Variants in UGCG observed in about 807,000 individuals in gnomAD.
The protein encoded by UGCG is ceramide glucosyltransferase.
A neutral mutation model predicts 49.5 loss-of-function variants in UGCG; 10 were observed. The observed-to-expected ratio is 0.20, with a 90% CI of 0.12 to 0.34. The LOEUF is 0.34. Ranked by LOEUF, UGCG falls within the 10% of genes least tolerant of loss-of-function variation. The pLI is 1.00. For missense variants in UGCG, 312 were observed against 483.7 expected (o/e 0.65, Z 3.33); for synonymous variants, 182 against 158.2 (o/e 1.15, Z -1.13).
rs180692433 is a variant in UGCG at position 111,932,448 on chromosome 9, G to C, written c.1014+89G>C. Reference sequence around the variant, plus strand: ...AAAAAGTTGAAGGAAATGTATCTGAGCCATTCTTCAGCTTCCCATTGTAGG... The same window carrying C: ...AAAAAGTTGAAGGAAATGTATCTGACCCATTCTTCAGCTTCCCATTGTAGG... On this transcript the variant is annotated intron_variant, in intron 8 of 8. Coordinates refer to ENST00000374279, the MANE Select transcript of UGCG (RefSeq NM_003358.3). 22 of 1,319,286 alleles carry C rather than the reference G, an allele frequency of 1.7e-5. No homozygotes were observed. The East Asian group carries it at 5.3e-4, about 32-fold the overall frequency. The allele number at this position is 1,319,286 out of a possible 1,614,324, so 81.7% of individuals were successfully genotyped here.
intron 5 of UGCG, among the ~76,000 whole-genome samples, chr9:111,928,704 CTG>C (rs1339244876): frequency 6.6e-6 from 1 of 152,156 alleles, no homozygotes; most frequent in African/African-American, 2.4e-5. Context: ...TTGCTCTGCA[CTG>C]TGTGTGTAAC....
chr9:111,914,513 TAG>T, intron 1 of UGCG, 90 bp from the exon 2 acceptor site: 3 of 1,296,488 alleles, frequency 2.3e-6, no homozygotes, highest in Non-Finnish European at 2.1e-6. Flanking sequence ...AATCTTAACT[TAG>T]AATTTAGGGA....
intron 2 of UGCG, among the ~76,000 whole-genome samples, chr9:111,917,849 A>G (rs999143652): frequency 6.6e-6 from 1 of 152,190 alleles, no homozygotes; most frequent in African/African-American, 2.4e-5. Context: ...CTCATTTGTC[A>G]CCAGCGTAGA....
intron 1 of UGCG, among the ~76,000 whole-genome samples, chr9:111,912,052 A>C (rs1027149466): frequency 7.0e-6 from 1 of 142,854 alleles, no homozygotes; most frequent in Non-Finnish European, 1.5e-5. Flanking sequence ...ATATATATAT[A>C]TCCTGTTGAA....
intron 1 of UGCG, among the ~76,000 whole-genome samples, chr9:111,910,750 T>C (rs1210252327): frequency 6.6e-6 from 1 of 152,140 alleles, no homozygotes; most frequent in African/African-American, 2.4e-5. Flanking sequence ...TCTTTTTTGT[T>C]TTTGTTTTTG....
chr9:111,898,311 A>G (rs970178089), intron 1 of UGCG, among the ~76,000 whole-genome samples: 14 of 152,096 alleles, frequency 9.2e-5, no homozygotes, highest in African/African-American at 3.1e-4. Context: ...GAGCAATTGT[A>G]TATAGTAATC....
chr9:111,925,468 G>A (rs1838299332), intron 4 of UGCG, among the ~76,000 whole-genome samples: 1 of 152,272 alleles, frequency 6.6e-6, no homozygotes, highest in Non-Finnish European at 1.5e-5. Flanking sequence ...TTTGTTGTGG[G>A]AGCTGTCTTG....
At chr9:111,909,294 A>G (rs1275196540) in intron 1 of UGCG, among the ~76,000 whole-genome samples, 1 of 152,192 alleles carries the variant, frequency 6.6e-6, no homozygotes, top group Admixed American at 6.5e-5. Flanking sequence ...ATGTTTTTGA[A>G]AAAAAATCAC....
chr9:111,927,600 C>T (rs920828800), intron 5 of UGCG, among the ~76,000 whole-genome samples: 16 of 152,042 alleles, frequency 1.1e-4, no homozygotes, highest in African/African-American at 2.9e-4. Flanking sequence ...TACAGGTGCC[C>T]GCCACCATGC....
At position 111,898,444 on chromosome 9, in the gene UGCG, AAACACT is replaced by A. The variant is rs1324297463; in HGVS notation, c.98+1132_98+1137del. The stretch of plus-strand genomic sequence containing the variant: ...GGAAAAAGTGTGCCTTTGCTTTTGG[AAACACT>A]GTATTTTATTAGTATAGTGTGGCAT... On this transcript the variant is annotated intron_variant, in intron 1 of 8. Coordinates refer to ENST00000374279, the MANE Select transcript of UGCG (RefSeq NM_003358.3). 2.1e-3 allele frequency among the ~76,000 whole-genome samples: 323 copies of A among 151,420 alleles called. 1 individual carries two copies. Among genetic ancestry groups the A allele is most frequent in the African/African-American group, 7.5e-3 (309 of 41,222 alleles).
At chr9:111,915,960 G>A (rs1187821038) in intron 2 of UGCG, 4 of 249,160 alleles carry the variant, frequency 1.6e-5, no homozygotes, top group Admixed American at 6.5e-5. Context: ...AAAATTATAT[G>A]TTCTAGTTTG....
chr9:111,930,426 A>T (rs1838404346), intron 6 of UGCG, among the ~76,000 whole-genome samples: 1 of 151,760 alleles, frequency 6.6e-6, no homozygotes, highest in African/African-American at 2.4e-5. Context: ...GATTCATATG[A>T]CTGACTTAGC....
chr9:111,921,828 T>TTTTTTTTTTTTTTGG (rs1838227949), intron 2 of UGCG, among the ~76,000 whole-genome samples: 1 of 134,298 alleles, frequency 7.4e-6, no homozygotes. Flanking sequence ...TTTTTTTTTT[T>TTTTTTTTTTTTTTGG]GAGGCAGGGT....
chr9:111,897,300 G>A lies in UGCG; in HGVS notation c.85G>A (p.Ala29Thr), dbSNP rs1241581859. 4 of 1,557,320 alleles carry A rather than the reference G, an allele frequency of 2.6e-6. No homozygotes were observed. Among genetic ancestry groups the A allele is most frequent in the African/African-American group, 1.4e-5 (1 of 73,528 alleles). ...FLVLWLMHFMAIIYTRLHLNK... is the reference protein window; with the variant it reads ...FLVLWLMHFMTIIYTRLHLNK... ...GGTGCTGTGGCTGATGCATTTCATGGCTATCATCTACACGTGAGTGAGGGA... is the reference window on the plus strand; with the variant it reads ...GGTGCTGTGGCTGATGCATTTCATGACTATCATCTACACGTGAGTGAGGGA... The change falls in exon 1 of 9, where the codon GCT (alanine) becomes ACT (threonine). Residue 29 changes from alanine (A) to threonine (T), a missense_variant. This residue lies in a region of UGCG where 65 missense variants were observed against 74.7 expected (regional missense o/e 0.87). Transcript: ENST00000374279.
At chr9:111,902,682 G>A (rs554527411) in intron 1 of UGCG, among the ~76,000 whole-genome samples, 115 of 152,194 alleles carry the variant, frequency 7.6e-4, no homozygotes, top group African/African-American at 2.7e-3. Flanking sequence ...ACCACACAGC[G>A]GAATTATAAA....
At chr9:111,914,291 T>C (rs1456368509) in intron 1 of UGCG, among the ~76,000 whole-genome samples, 1 of 152,178 alleles carries the variant, frequency 6.6e-6, no homozygotes. Context: ...ATCTTTTGGC[T>C]TCCCTTGGTC....
chr9:111,912,785 T>G (rs142944469), intron 1 of UGCG, among the ~76,000 whole-genome samples: 190 of 152,344 alleles, frequency 1.2e-3, no homozygotes, highest in Middle Eastern at 0.01. Flanking sequence ...AGCACTGCGA[T>G]AGATGGTGCT....
In UGCG at chr9:111,932,989, G is replaced by A. The variant is rs1219145251; in HGVS notation, c.1177G>A (p.Asp393Asn). Residue 393 changes from aspartate (D) to asparagine (N), a missense_variant, in exon 9 of 9, where the codon GAT becomes AAT. This residue lies in a region of UGCG where 180 missense variants were observed against 320.4 expected (regional missense o/e 0.56). Transcript: ENST00000374279. ...RCGGTAEEIL[D>N]V ...TGGGGGTACAGCAGAGGAAATCCTA[G>A]ATGTATAACTACAGCTTTGTGACTG... 7 of 1,580,726 alleles carry A rather than the reference G, an allele frequency of 4.4e-6. No individual in the cohort carries two copies. In the African/African-American group the frequency reaches 9.5e-5, roughly 21 times the overall value.
At chr9:111,898,306 A>C (rs1554731993) in intron 1 of UGCG, among the ~76,000 whole-genome samples, 1 of 152,056 alleles carries the variant, frequency 6.6e-6, no homozygotes, top group Non-Finnish European at 1.5e-5. Context: ...GAAAAGAGCA[A>C]TTGTATATAG....
Sources: allele counts gnomAD v4.1 joint callset (sites outside exome capture counted in the v4.1 genomes callset), GRCh38; gene constraint gnomAD v4.1.1; regional missense constraint gnomAD v4.1.1; transcripts MANE v1.5; gene names NCBI Gene and HGNC (gene_info 2026-07-23, HGNC 2026-07-21).